The following SYT9 variants were observed in gnomAD, a reference collection of about 807,000 sequenced individuals.
SYT9 encodes the protein synaptotagmin 9.
SYT9 carries 22 observed loss-of-function variants against 48.4 expected under a neutral mutation model. The ratio of observed to expected loss-of-function variants is 0.45; its 90% CI spans 0.32 to 0.65. The LOEUF is 0.65. SYT9 is among the 30% of genes least tolerant of loss of function. The pLI, the probability that SYT9 is intolerant of heterozygous loss-of-function variation, is 0.03. For missense variants in SYT9, 577 were observed against 622.0 expected (o/e 0.93, Z 0.77); for synonymous variants, 265 against 245.0 (o/e 1.08, Z -0.76).
intron 3 of SYT9, among the ~76,000 whole-genome samples, chr11:7,354,985 TA>T (rs908466008): frequency 3.5e-4 from 53 of 152,098 alleles, no homozygotes; most frequent in African/African-American, 1.2e-3. Flanking sequence ...ATGAAGTTGT[TA>T]AAAAAAATGA....
intron 6 of SYT9, among the ~76,000 whole-genome samples, chr11:7,449,534 G>A (rs1186459675): frequency 6.6e-6 from 1 of 152,038 alleles, no homozygotes; most frequent in East Asian, 1.9e-4. Context: ...ATGTAGGGGA[G>A]GTAGGTGTGG....
chr11:7,459,753 A>T (rs1010100348), intron 6 of SYT9, among the ~76,000 whole-genome samples: 5 of 152,190 alleles, frequency 3.3e-5, no homozygotes, highest in African/African-American at 1.2e-4. Context: ...AAAGCCATAT[A>T]AAGACCTAGA....
At chr11:7,415,711 G>A (rs55719862) in intron 3 of SYT9, among the ~76,000 whole-genome samples, 1 of 152,128 alleles carries the variant, frequency 6.6e-6, no homozygotes, top group East Asian at 1.9e-4. Flanking sequence ...TTAAGGCTGT[G>A]AGACTTATGC....
At chr11:7,444,813 A>T (rs912101309) in intron 6 of SYT9, among the ~76,000 whole-genome samples, 2 of 152,146 alleles carry the variant, frequency 1.3e-5, no homozygotes, top group Admixed American at 1.3e-4. Flanking sequence ...TGATTTTCCA[A>T]AGCAGGATTA....
At chr11:7,448,928 G>A (rs923067790) in intron 6 of SYT9, among the ~76,000 whole-genome samples, 1 of 152,270 alleles carries the variant, frequency 6.6e-6, no homozygotes, top group Non-Finnish European at 1.5e-5. Flanking sequence ...AGGAAAACTG[G>A]GAGCAGCAGG....
At chr11:7,399,751 T>C (rs897862272) in intron 3 of SYT9, among the ~76,000 whole-genome samples, 15 of 149,188 alleles carry the variant, frequency 1.0e-4, no homozygotes, top group Middle Eastern at 3.4e-3. Context: ...GATGTGCTAA[T>C]GCATAAGACA....
intron 3 of SYT9, among the ~76,000 whole-genome samples, chr11:7,388,094 T>C (rs1267915807): frequency 6.6e-6 from 1 of 152,192 alleles, no homozygotes; most frequent in Admixed American, 6.6e-5. Context: ...CTTCCCTAAA[T>C]GTTTAATAGA....
intron 1 of SYT9, among the ~76,000 whole-genome samples, chr11:7,301,981 G>T (rs559424290): frequency 6.6e-6 from 1 of 152,194 alleles, no homozygotes; most frequent in Non-Finnish European, 1.5e-5. Context: ...ATGCCATGGG[G>T]CTGTGGTCCA....
intron 1 of SYT9, among the ~76,000 whole-genome samples, chr11:7,278,159 A>G (rs893514931): frequency 6.6e-6 from 1 of 152,174 alleles, no homozygotes; most frequent in Non-Finnish European, 1.5e-5. Flanking sequence ...GCAGGGTATC[A>G]CAGGGCAAGG....
At chr11:7,270,005 A>C (rs560554965) in intron 1 of SYT9, among the ~76,000 whole-genome samples, 1 of 152,304 alleles carries the variant, frequency 6.6e-6, no homozygotes, top group Admixed American at 6.5e-5. Flanking sequence ...CAGCAAGACA[A>C]ACCAAAAATG....
chr11:7,279,572 T>C (rs929018793), intron 1 of SYT9, among the ~76,000 whole-genome samples: 1 of 152,128 alleles, frequency 6.6e-6, no homozygotes, highest in Admixed American at 6.5e-5. Flanking sequence ...CCTCCCGCCT[T>C]CAGAGATACT....
At chr11:7,446,483 ACTCTTGGGCTG>A (rs1264161550) in intron 6 of SYT9, among the ~76,000 whole-genome samples, 1 of 152,056 alleles carries the variant, frequency 6.6e-6, no homozygotes, top group Non-Finnish European at 1.5e-5. Flanking sequence ...AGGAGGGCTT[ACTCTTGGGCTG>A]GTCCTCCTGT....
At chr11:7,339,446 T>C (rs1394356204) in intron 3 of SYT9, among the ~76,000 whole-genome samples, 1 of 152,200 alleles carries the variant, frequency 6.6e-6, no homozygotes, top group East Asian at 1.9e-4. Context: ...CATTTTAGTG[T>C]CCCTGGTCTG....
At chr11:7,259,282 C>T (rs1848034847) in intron 1 of SYT9, among the ~76,000 whole-genome samples, 2 of 152,170 alleles carry the variant, frequency 1.3e-5, no homozygotes, top group African/African-American at 4.8e-5. Flanking sequence ...CCATTGTTAA[C>T]ACTTATTAGT....
chr11:7,276,853 C>T (rs1399187598), intron 1 of SYT9, among the ~76,000 whole-genome samples: 1 of 151,914 alleles, frequency 6.6e-6, no homozygotes, highest in Non-Finnish European at 1.5e-5. Flanking sequence ...CGAGACCAGC[C>T]TGGCCAACAT....
At chr11:7,315,130 G>A (rs549291689) in intron 3 of SYT9, among the ~76,000 whole-genome samples, 1 of 152,314 alleles carries the variant, frequency 6.6e-6, no homozygotes, top group Non-Finnish European at 1.5e-5. Flanking sequence ...TCATAATCAT[G>A]AGGAAAGAAA....
At chr11:7,363,441 G>A (rs1850183633) in intron 3 of SYT9, among the ~76,000 whole-genome samples, 1 of 152,204 alleles carries the variant, frequency 6.6e-6, no homozygotes, top group South Asian at 2.1e-4. Context: ...GGAACATCAT[G>A]AATTCAGTTT....
At chr11:7,305,720 G>A (rs560704337) in intron 2 of SYT9, among the ~76,000 whole-genome samples, 21 of 151,914 alleles carry the variant, frequency 1.4e-4, no homozygotes, top group Non-Finnish European at 2.1e-4. Flanking sequence ...TCTCCCTGCC[G>A]ACACCGTCTT....
intron 1 of SYT9, among the ~76,000 whole-genome samples, chr11:7,256,472 G>T (rs1287235960): frequency 6.6e-6 from 1 of 152,196 alleles, no homozygotes; most frequent in Non-Finnish European, 1.5e-5. Flanking sequence ...GTCCAGAGAA[G>T]TAAACTAGCC....
Sources: gnomAD v4.1 joint callset for allele counts (sites outside exome capture counted in the v4.1 genomes callset) on GRCh38, gnomAD v4.1.1 for gene constraint, MANE v1.5 for transcripts, NCBI Gene and HGNC (gene_info 2026-07-23, HGNC 2026-07-21) for gene names.